Variants in TTK observed in about 807,000 individuals in gnomAD.
The protein encoded by TTK is TTK protein kinase.
Under a neutral mutation model 117.3 loss-of-function variants are expected in TTK, and 59 were observed. The observed-to-expected ratio is 0.50, with a 90% confidence interval of 0.41 to 0.62. The LOEUF (loss-of-function observed/expected upper bound fraction) is 0.62, where lower values mean the gene tolerates loss of function less well. TTK is among the 20% of genes least tolerant of loss of function. The probability of loss-of-function intolerance (pLI) is 0.00; values close to 1 mark genes in which losing one functional copy is unlikely to be tolerated. For synonymous variants in TTK, 302 were observed against 325.0 expected, an observed-to-expected ratio of 0.93 and a Z score of 0.76; for missense variants, 921 against 989.4, an observed-to-expected ratio of 0.93 and a Z score of 0.93.
chr6:80,025,741 TAGGC>T (rs1296138569), intron 11 of TTK, among the ~76,000 whole-genome samples: 1 of 152,180 alleles, frequency 6.6e-6, no homozygotes, highest in Non-Finnish European at 1.5e-5. Flanking sequence ...TTTACAAAAA[TAGGC>T]AGGCAGCAGG....
intron 8 of TTK, 30 bp from the exon 9 acceptor site, chr6:80,013,249 G>T (rs751684822): frequency 1.3e-6 from 2 of 1,543,890 alleles, no homozygotes; most frequent in Non-Finnish European, 8.7e-7. Flanking sequence ...CAAATTTAAT[G>T]TTAAAATTAT....
intron 11 of TTK, among the ~76,000 whole-genome samples, chr6:80,023,148 T>C (rs894323955): frequency 1.3e-5 from 2 of 152,216 alleles, no homozygotes; most frequent in African/African-American, 4.8e-5. Context: ...GTAAAGGCTT[T>C]ATTAATTCAG....
intron 4 of TTK, among the ~76,000 whole-genome samples, chr6:80,008,935 G>C (rs902102807): frequency 1.4e-4 from 17 of 125,222 alleles, no homozygotes; most frequent in South Asian, 2.8e-4. Flanking sequence ...ATATCTGTGT[G>C]TGTGTGTGTG....
intron 14 of TTK, 92 bp downstream of exon 14, chr6:80,031,651 A>G: frequency 1.0e-6 from 1 of 953,902 alleles, no homozygotes. Context: ...CTTTTCCTTT[A>G]CTTCTAGGGG....
chr6:80,028,035 G>GAT, intron 13 of TTK, 24 bp downstream of exon 13: 1 of 1,569,984 alleles, frequency 6.4e-7, no homozygotes, highest in Non-Finnish European at 8.6e-7. Context: ...TATATATGAT[G>GAT]GTATATGTTA....
At position 80,007,921 on chromosome 6, in the gene TTK, A is replaced by G. The variant is rs147438319; in HGVS notation, c.252A>G (p.Leu84=). 3.2e-5 allele frequency: 51 copies of G among 1,613,552 alleles called. No individual in the cohort carries two copies. Among genetic ancestry groups the G allele is most frequent in the Admixed American group, 6.7e-5 (4 of 59,976 alleles). Residue 84 remains leucine, a synonymous_variant, in exon 3 of 22, where the codon TTA becomes TTG. Coordinates refer to ENST00000369798, the MANE Select transcript of TTK (RefSeq NM_003318.5). ...KNSVPLSDAL[L]NKLIGRYSQA... is the part of the protein sequence containing the mutation. The stretch of plus-strand genomic sequence containing the variant: ...GTGTTCCGCTAAGTGATGCTCTTTT[A>G]AATAAATTGATTGGTCGTTACAGTC...
In TTK at chr6:80,035,326, T is replaced by C. The variant is rs768795022; in HGVS notation, c.1833T>C (p.Ser611=). ...AGTGTGGAAATATTGATCTTAATAG[T>C]TGGCTTAAAAAGAAAAAATCCATTG... ...VMECGNIDLN[S]WLKKKKSIDP... Residue 611 remains serine, a synonymous_variant, in exon 16 of 22, where the codon AGT becomes AGC. Coordinates refer to ENST00000369798, the MANE Select transcript of TTK (RefSeq NM_003318.5). The C allele has an allele frequency of 6.2e-7, 1 of 1,612,538 alleles. No individual in the cohort carries two copies. The highest frequency in any genetic ancestry group is 1.7e-5 in the Admixed American group (1 of 59,858).
intron 13 of TTK, among the ~76,000 whole-genome samples, chr6:80,030,885 G>A (rs1184179092): frequency 3.3e-5 from 5 of 151,766 alleles, no homozygotes; most frequent in African/African-American, 1.2e-4. Flanking sequence ...AAATGAGAAA[G>A]AAGAATACAG....
chr6:80,034,888 T>C (rs546341522), intron 14 of TTK, 97 bp from the exon 15 acceptor site: 1 of 1,092,854 alleles, frequency 9.2e-7, no homozygotes, highest in East Asian at 2.9e-5. Context: ...GTATTTCCTT[T>C]AGAATTTTCT....
chr6:80,017,650 C>T (rs954601555), intron 10 of TTK, among the ~76,000 whole-genome samples: 2 of 152,126 alleles, frequency 1.3e-5, no homozygotes, highest in East Asian at 3.8e-4. Context: ...GTTGAAAATT[C>T]ACGACTATTT....
intron 8 of TTK, among the ~76,000 whole-genome samples, chr6:80,012,263 G>A (rs1380953228): frequency 6.6e-6 from 1 of 151,986 alleles, no homozygotes; most frequent in Non-Finnish European, 1.5e-5. Flanking sequence ...TGTCACTTAC[G>A]GGTAGGCTGT....
chr6:80,011,938 A>C lies in TTK; in HGVS notation c.854A>C (p.Asp285Ala). 1 of 1,612,210 alleles carries C rather than the reference A, an allele frequency of 6.2e-7. No individual in the cohort carries two copies. The highest frequency in any genetic ancestry group is 8.5e-7 in the Non-Finnish European group (1 of 1,179,040). Residue 285 changes from aspartate (D) to alanine (A), a missense_variant, in exon 8 of 22, where the codon GAT (aspartate) becomes GCT (alanine). By Grantham distance (126) the Asp-to-Ala change is moderately radical. Transcript: ENST00000369798. ...AACCTTCTAAATAGCCCAGATTGTG[A>C]TGTGAAGACAGATGATTCAGTTGTA... ...PVNLLNSPDC[D>A]VKTDDSVVPC...
intron 2 of TTK, among the ~76,000 whole-genome samples, chr6:80,007,576 C>T (rs986069944): frequency 6.6e-6 from 1 of 151,988 alleles, no homozygotes; most frequent in Non-Finnish European, 1.5e-5. Flanking sequence ...CAAATGTTTT[C>T]TTTCCTTCAA....
chr6:80,040,295 A>G lies in TTK; in HGVS notation c.2392+15A>G, dbSNP rs776906947. 1 of 1,561,386 alleles carries G rather than the reference A, an allele frequency of 6.4e-7. No homozygotes were observed. Among genetic ancestry groups the G allele is most frequent in the African/African-American group, 1.4e-5 (1 of 72,524 alleles). Reference sequence around the variant, plus strand: ...AACTCATCCAGGTACTACTTCTTTAAAAATTTGTTTATTACTAGATTGGTA... The same window carrying G: ...AACTCATCCAGGTACTACTTCTTTAGAAATTTGTTTATTACTAGATTGGTA... On this transcript the variant is annotated intron_variant, in intron 20 of 21. Transcript: ENST00000369798.
chr6:80,022,022 T>C (rs1204027449), intron 10 of TTK, among the ~76,000 whole-genome samples: 1 of 152,230 alleles, frequency 6.6e-6, no homozygotes, highest in African/African-American at 2.4e-5. Flanking sequence ...AGTAAGACTT[T>C]ATAACATCTA....
chr6:80,005,553 C>T (rs1385948734), intron 1 of TTK, among the ~76,000 whole-genome samples: 1 of 149,080 alleles, frequency 6.7e-6, no homozygotes, highest in African/African-American at 2.4e-5. Context: ...AACACTCTAT[C>T]ATATTTTTTT....
intron 8 of TTK, among the ~76,000 whole-genome samples, chr6:80,012,476 TCTC>T (rs1269680239): frequency 6.6e-6 from 1 of 151,962 alleles, no homozygotes; most frequent in African/African-American, 2.4e-5. Context: ...TCCAGTGTGT[TCTC>T]CTTCCCTCAA....
At chr6:80,040,796 A>G (rs1018249893) in intron 21 of TTK, 93 bp downstream of exon 21, 2 of 1,081,466 alleles carry the variant, frequency 1.8e-6, no homozygotes, top group African/African-American at 3.2e-5. Context: ...AAGTTGGTCC[A>G]ATCATCAGAT....
intron 4 of TTK, among the ~76,000 whole-genome samples, chr6:80,008,929 CTGTG>C (rs3049166): frequency 0.043 from 6,094 of 142,294 alleles, 121 homozygotes; most frequent in South Asian, 0.051. Context: ...AACTATATAT[CTGTG>C]TGTGTGTGTG....
Sources: gnomAD v4.1 joint callset for allele counts (sites outside exome capture counted in the v4.1 genomes callset) on GRCh38, gnomAD v4.1.1 for gene constraint, MANE v1.5 for transcripts, NCBI Gene and HGNC (gene_info 2026-07-23, HGNC 2026-07-21) for gene names.